HDHD5: variants seen among roughly 807,000 people sequenced by gnomAD.
HDHD5 encodes haloacid dehalogenase-like hydrolase domain-containing 5.
A neutral mutation model predicts 35.5 loss-of-function variants in HDHD5; 34 were observed. The ratio of observed to expected loss-of-function variants is 0.96; its 90% CI spans 0.73 to 1.28. The LOEUF is 1.28. HDHD5 is among the 50% of genes most tolerant of loss of function. The pLI is 0.00. For missense variants in HDHD5, 589 were observed against 560.2 expected, an observed-to-expected ratio of 1.05 and a Z score of -0.52; for synonymous variants, 248 against 240.6, an observed-to-expected ratio of 1.03 and a Z score of -0.29.
At chr22:17,146,615 A>C (rs1310763726) in intron 3 of HDHD5, among the ~76,000 whole-genome samples, 9 of 16,200 alleles carry the variant, frequency 5.6e-4, no homozygotes, top group Admixed American at 2.0e-3. Context: ...CCTGTGGCAC[A>C]CTCCTGTGAG....
Position 17,150,074 on chromosome 22 carries a change from T to G in HDHD5, c.127-329A>C, listed in dbSNP as rs187038974. 1.4e-4 allele frequency among the ~76,000 whole-genome samples: 21 copies of G among 152,268 alleles called. No individual in the cohort carries two copies. The East Asian group carries it at 4.1e-3, about 29-fold the overall frequency. ...ATCCTCTCGCCTCAGCTTCCTAAAT[T>G]TAATGCTAGGATTATTAGGCGTGAG... On this transcript the variant is annotated intron_variant, in intron 1 of 7. Transcript: ENST00000336737.
At chr22:17,164,222 GAAAAAA>G (rs60212114), upstream of HDHD5, among the ~76,000 whole-genome samples, 68,816 of 111,544 alleles carry the variant, frequency 0.62, 17,826 homozygotes, top group East Asian at 0.68. Context: ...CTCCATCTCA[GAAAAAA>G]AAAAAAAAAA....
At chr22:17,148,664 G>A (rs1242957086) in intron 2 of HDHD5, 104 bp from the exon 3 acceptor site, 21 of 842,586 alleles carry the variant, frequency 2.5e-5, no homozygotes, top group Middle Eastern at 2.7e-4. Context: ...GAAAAAACCC[G>A]CTCAGAAAAA....
chr22:17,159,574 A>G (rs1346694891), upstream of HDHD5: 2 of 432,212 alleles, frequency 4.6e-6, no homozygotes, highest in Admixed American at 5.1e-5. Context: ...GGCAGGCCCC[A>G]GGCCGGCCTC....
intron 4 of HDHD5, 45 bp downstream of exon 4, chr22:17,144,979 A>C (rs763919548): frequency 1.2e-6 from 2 of 1,609,452 alleles, no homozygotes; most frequent in Non-Finnish European, 1.7e-6. Context: ...AGGGCACTGG[A>C]GGAGTGAAGG....
At chr22:17,138,836 G>C in intron 6 of HDHD5, 98 bp from the exon 7 acceptor site, 1 of 1,347,176 alleles carries the variant, frequency 7.4e-7, no homozygotes, top group South Asian at 1.3e-5. Flanking sequence ...ACACAGACCA[G>C]CCTTTTCCCC....
intron 1 of HDHD5, among the ~76,000 whole-genome samples, chr22:17,154,754 C>CT (rs2123874393): frequency 6.6e-6 from 1 of 151,336 alleles, no homozygotes; most frequent in African/African-American, 2.4e-5. Flanking sequence ...TCCCAAGTAG[C>CT]TGGGACTACA....
intron 5 of HDHD5, 56 bp from the exon 6 acceptor site, chr22:17,141,289 C>A (rs1436640596): frequency 4.6e-6 from 7 of 1,537,118 alleles, no homozygotes; most frequent in Non-Finnish European, 6.1e-6. Context: ...GGCGGCAGGC[C>A]CTCAGGATGC....
chr22:17,138,624 A>G lies in HDHD5; in HGVS notation c.861T>C (p.Tyr287=). ...CCTGTCGCCTGATCAGGTCCTCGGC[A>G]TACTGGTAAGTGAGGATGCTGGGTT... The part of the protein sequence containing the change: ...MGKPSILTYQ[Y]AEDLIRRQAE... Residue 287 remains tyrosine (Y), a synonymous_variant, in exon 7 of 8, where the codon TAT becomes TAC. Transcript: ENST00000336737. 1 of 1,614,228 alleles carries G rather than the reference A, an allele frequency of 6.2e-7. No individual in the cohort carries two copies. The highest frequency in any genetic ancestry group is 1.1e-5 in the South Asian group (1 of 91,080).
In HDHD5 at chr22:17,138,346, A is replaced by G. The variant is rs2061558390; in HGVS notation, c.947T>C (p.Met316Thr). The change falls in exon 8 of 8, where the codon ATG becomes ACG. Residue 316 changes from methionine (M) to threonine (T), a missense_variant. Physicochemically the swap from Met to Thr is moderately conservative, Grantham distance 81. Transcript: ENST00000336737. ...RKLYAVGDNPMSDVYGANLFH... is the reference protein window; with the variant it reads ...RKLYAVGDNPTSDVYGANLFH... ...CAGGTTGGCGCCGTATACGTCAGAC[A>G]TAGGGTTATCACTGGCAGGGGCAGC... 6.2e-7 allele frequency: 1 copy of G among 1,611,582 alleles called. No homozygotes were observed. The highest frequency in any genetic ancestry group is 8.5e-7 in the Non-Finnish European group (1 of 1,178,682).
intron 1 of HDHD5, among the ~76,000 whole-genome samples, chr22:17,157,076 T>TCTCACACACACACACACACACA (rs1555881505): frequency 1.8e-4 from 10 of 56,112 alleles, no homozygotes; most frequent in Non-Finnish European, 2.4e-4. Context: ...AGACACCGTC[T>TCTCACACACACACACACACACA]CACACACATA....
At chr22:17,165,241 A>G in exon 1 of HDHD5, 1 of 777,310 alleles carries the variant, frequency 1.3e-6, no homozygotes. Flanking sequence ...AACCAAGCAT[A>G]CATGATTTAG....
At chr22:17,145,800 C>T (rs967410029) in intron 3 of HDHD5, among the ~76,000 whole-genome samples, 3 of 152,132 alleles carry the variant, frequency 2.0e-5, no homozygotes, top group Non-Finnish European at 2.9e-5. Context: ...TCAGAAGAGA[C>T]TCCTCAGTGG....
chr22:17,153,706 G>A (rs750571100), intron 1 of HDHD5, among the ~76,000 whole-genome samples: 2 of 152,128 alleles, frequency 1.3e-5, no homozygotes, highest in Non-Finnish European at 2.9e-5. Flanking sequence ...GGGAGGAGGG[G>A]ATGTGATTTG....
At chr22:17,141,009 G>A in intron 6 of HDHD5, 50 bp downstream of exon 6, 11 of 1,494,122 alleles carry the variant, frequency 7.4e-6, no homozygotes, top group Non-Finnish European at 9.8e-6. Flanking sequence ...TGCCCAGGCA[G>A]CAGCCAGGAA....
chr22:17,164,606 C>A (rs1301419229), intron 1 of HDHD5, among the ~76,000 whole-genome samples: 1 of 152,214 alleles, frequency 6.6e-6, no homozygotes, highest in East Asian at 1.9e-4. Context: ...TTCCAGCCAC[C>A]AGGAAAGAGA....
chr22:17,142,365 G>A (rs2061609646), intron 5 of HDHD5: 1 of 152,220 alleles, frequency 6.6e-6, no homozygotes, highest in Admixed American at 6.5e-5. Flanking sequence ...TTTTTGTACA[G>A]CTTCAATAAA....
At position 17,138,367 on chromosome 22, in the gene HDHD5, G is replaced by A. The variant is rs758851666; in HGVS notation, c.936-10C>T. ...AGACATAGGGTTATCACTGGCAGGGGCAGCCACACCGGAAAAGGAAAAAGG... is the reference window on the plus strand; with the variant it reads ...AGACATAGGGTTATCACTGGCAGGGACAGCCACACCGGAAAAGGAAAAAGG... On this transcript the variant is annotated splice_polypyrimidine_tract_variant and intron_variant, in intron 7 of 7. Coordinates refer to ENST00000336737, the MANE Select transcript of HDHD5 (RefSeq NM_033070.3). 1 of 1,600,066 alleles carries A rather than the reference G, an allele frequency of 6.2e-7. No individual in the cohort carries two copies. Among genetic ancestry groups the A allele is most frequent in the Non-Finnish European group, 8.5e-7 (1 of 1,173,034 alleles).
At chr22:17,145,681 G>A (rs1266956583) in intron 3 of HDHD5, among the ~76,000 whole-genome samples, 1 of 151,694 alleles carries the variant, frequency 6.6e-6, no homozygotes, top group East Asian at 2.0e-4. Flanking sequence ...AACAGAGTGT[G>A]ACCCTGTCTC....
Sources: allele counts gnomAD v4.1 joint callset (sites outside exome capture counted in the v4.1 genomes callset), GRCh38; gene constraint gnomAD v4.1.1; transcripts MANE v1.5; gene names NCBI Gene and HGNC (gene_info 2026-07-23, HGNC 2026-07-21).